The following TAMM41 variants were observed in gnomAD, a reference collection of about 807,000 sequenced individuals.
TAMM41 encodes phosphatidate cytidylyltransferase, mitochondrial.
Under a neutral mutation model 44.1 loss-of-function variants are expected in TAMM41, and 36 were observed. The observed-to-expected ratio is 0.82, with a 90% CI of 0.63 to 1.08. TAMM41 has a LOEUF of 1.08. TAMM41 is among the 50% of genes least tolerant of loss of function. The pLI is 0.00. For missense variants in TAMM41, 417 were observed against 404.3 expected, an observed-to-expected ratio of 1.03 and a Z score of -0.27; for synonymous variants, 164 against 153.1, an observed-to-expected ratio of 1.07 and a Z score of -0.53.
chr3:11,811,579 A>G (rs972153643), intron 5 of TAMM41: 4 of 152,212 alleles, frequency 2.6e-5, no homozygotes, highest in African/African-American at 9.6e-5. Flanking sequence ...CCTTACACTA[A>G]CTCTCATTAA....
intron 4 of TAMM41, 125 bp from the exon 5 acceptor site, chr3:11,817,462 C>T (rs1365606793): frequency 3.1e-6 from 3 of 969,522 alleles, no homozygotes; most frequent in Non-Finnish European, 4.4e-6. Flanking sequence ...AGAACACTTG[C>T]TTTTCCTCCT....
chr3:11,798,282 A>C (rs1384511106), intron 7 of TAMM41, among the ~76,000 whole-genome samples: 2 of 152,206 alleles, frequency 1.3e-5, no homozygotes, highest in Admixed American at 1.3e-4. Context: ...CATAAAGAAA[A>C]CGTGGTACAT....
chr3:11,809,743 A>G, intron 5 of TAMM41, 61 bp from the exon 6 acceptor site: 1 of 1,526,540 alleles, frequency 6.6e-7, no homozygotes, highest in Non-Finnish European at 8.8e-7. Flanking sequence ...CAAATACTCC[A>G]AAACTCAGGG....
intron 2 of TAMM41, among the ~76,000 whole-genome samples, chr3:11,841,143 C>T (rs2079422473): frequency 8.0e-6 from 1 of 125,538 alleles, no homozygotes; most frequent in African/African-American, 3.1e-5. Context: ...AGTGCAGTGG[C>T]ATGATTTTGG....
In TAMM41 at chr3:11,846,807, G is replaced by T; in HGVS notation, c.-171C>A. ...AAGCACACGCAAGGATTGGGGCGTT[G>T]GGCCACGAAGAGCAGCGGCGAGAAG... On this transcript the variant is annotated 5_prime_UTR_variant, in exon 1 of 8. Coordinates refer to ENST00000455809, the MANE Select transcript of TAMM41 (RefSeq NM_001284401.2). The T allele has an allele frequency of 2.5e-6, 2 of 812,966 alleles. No individual in the cohort carries two copies. The highest frequency in any genetic ancestry group is 1.7e-5 in the African/African-American group (1 of 58,326). 50.4% of individuals were successfully genotyped at this position (812,966 alleles called of 1,614,324 possible). A position where few individuals can be genotyped will look rare whatever the true frequency, so the allele number is the denominator to read the frequency against.
At chr3:11,770,729 A>G in the TAMM41 span, among the ~76,000 whole-genome samples, 3 of 152,314 alleles carry the variant, frequency 2.0e-5, no homozygotes, top group Admixed American at 1.3e-4. Context: ...GCACGCTTAG[A>G]GCAGGAACAG....
the TAMM41 span, among the ~76,000 whole-genome samples, chr3:11,728,406 CAG>C: frequency 6.6e-6 from 1 of 152,202 alleles, no homozygotes. Context: ...GTCACAGATT[CAG>C]AGAGTAGTAA....
At chr3:11,798,290 C>T (rs1446586446) in intron 7 of TAMM41, among the ~76,000 whole-genome samples, 1 of 152,156 alleles carries the variant, frequency 6.6e-6, no homozygotes, top group African/African-American at 2.4e-5. Context: ...AAACGTGGTA[C>T]ATATACACCA....
chr3:11,750,563 G>C, the TAMM41 span, among the ~76,000 whole-genome samples: 1 of 152,074 alleles, frequency 6.6e-6, no homozygotes. Flanking sequence ...TCCTGCCTCA[G>C]CCTCCCCAAA....
chr3:11,761,946 CAAAA>C, the TAMM41 span, among the ~76,000 whole-genome samples: 4 of 75,028 alleles, frequency 5.3e-5, no homozygotes, highest in Admixed American at 1.7e-4. Flanking sequence ...GACTCTGTCT[CAAAA>C]AAAAAAAAAA....
At chr3:11,839,799 G>A (rs2079354024) in intron 2 of TAMM41, among the ~76,000 whole-genome samples, 1 of 152,300 alleles carries the variant, frequency 6.6e-6, no homozygotes, top group Non-Finnish European at 1.5e-5. Context: ...GGAAGGGCCT[G>A]AATTCTGCTA....
the TAMM41 span, among the ~76,000 whole-genome samples, chr3:11,725,444 T>TTCTCCC: frequency 6.9e-6 from 1 of 144,240 alleles, no homozygotes; most frequent in African/African-American, 2.7e-5. Context: ...CTCCTCCTCC[T>TTCTCCC]CCTCCTCCTC....
the TAMM41 span, among the ~76,000 whole-genome samples, chr3:11,753,743 A>C: frequency 6.6e-6 from 1 of 152,030 alleles, no homozygotes; most frequent in Non-Finnish European, 1.5e-5. Flanking sequence ...TCTCAAAAAA[A>C]AAAATAAAAT....
chr3:11,813,866 A>G (rs1253032733), intron 5 of TAMM41, among the ~76,000 whole-genome samples: 167 of 142,808 alleles, frequency 1.2e-3, no homozygotes, highest in African/African-American at 3.6e-3. Context: ...GTATGTATGT[A>G]TATATATGTA....
chr3:11,808,430 G>T, intron 6 of TAMM41: 1 of 968,958 alleles, frequency 1.0e-6, no homozygotes, highest in Non-Finnish European at 1.2e-6. Flanking sequence ...TGGGGAGCTG[G>T]TGACCTAAAC....
chr3:11,807,183 G>C, intron 7 of TAMM41: 4 of 1,385,036 alleles, frequency 2.9e-6, no homozygotes, highest in Non-Finnish European at 3.7e-6. Flanking sequence ...CTCTCCATGA[G>C]AGAAGAACAT....
At chr3:11,837,875 G>T (rs998935582) in intron 3 of TAMM41, among the ~76,000 whole-genome samples, 6 of 152,306 alleles carry the variant, frequency 3.9e-5, no homozygotes, top group East Asian at 3.9e-4. Context: ...AGAATCTTGA[G>T]GGGGAGGGCA....
intron 6 of TAMM41, 119 bp from the exon 7 acceptor site, chr3:11,808,014 CT>C: frequency 1.4e-6 from 2 of 1,433,668 alleles, no homozygotes; most frequent in Non-Finnish European, 1.8e-6. Flanking sequence ...ACCACCAAAT[CT>C]ATCTCTGTCC....
At chr3:11,836,015 G>C (rs2079158560) in intron 3 of TAMM41, among the ~76,000 whole-genome samples, 1 of 148,798 alleles carries the variant, frequency 6.7e-6, no homozygotes, top group African/African-American at 2.5e-5. Flanking sequence ...TTTGAGACTG[G>C]GTCTCGCTGC....
Sources: gnomAD v4.1 joint callset for allele counts (sites outside exome capture counted in the v4.1 genomes callset) on GRCh38, gnomAD v4.1.1 for gene constraint, MANE v1.5 for transcripts, NCBI Gene and HGNC (gene_info 2026-07-23, HGNC 2026-07-21) for gene names.